Variants in MBOAT2 observed in about 807,000 individuals in gnomAD.
The protein encoded by MBOAT2 is membrane bound glycerophospholipid O-acyltransferase 2, also known as membrane-bound glycerophospholipid O-acyltransferase 2.
Under a neutral mutation model 63.4 loss-of-function variants are expected in MBOAT2, and 28 were observed. That is an observed-to-expected ratio of 0.44 (90% confidence interval 0.33 to 0.61). MBOAT2 has a LOEUF of 0.61. MBOAT2 is among the 20% of genes least tolerant of loss of function. The probability of loss-of-function intolerance (pLI) is 0.03; values close to 1 mark genes in which losing one functional copy is unlikely to be tolerated. For synonymous variants in MBOAT2, 211 were observed against 215.6 expected, an observed-to-expected ratio of 0.98 and a Z score of 0.19; for missense variants, 470 against 605.8, an observed-to-expected ratio of 0.78 and a Z score of 2.35.
At chr2:8,964,336 T>C (rs1197675456) in intron 1 of MBOAT2, among the ~76,000 whole-genome samples, 2 of 152,268 alleles carry the variant, frequency 1.3e-5, no homozygotes. Flanking sequence ...TCACTTAATA[T>C]TACATTGCTG....
chr2:8,945,616 C>G (rs1005172574), intron 2 of MBOAT2, among the ~76,000 whole-genome samples: 10 of 152,126 alleles, frequency 6.6e-5, no homozygotes, highest in Non-Finnish European at 1.3e-4. Context: ...CACGTTGTTT[C>G]GGGGCAATTT....
intron 1 of MBOAT2, among the ~76,000 whole-genome samples, chr2:8,983,427 T>C (rs186648056): frequency 5.2e-4 from 79 of 152,152 alleles, no homozygotes; most frequent in East Asian, 5.8e-4. Flanking sequence ...GAAAAAAACA[T>C]CTCTAGGCCC....
At position 8,862,231 on chromosome 2, in the gene MBOAT2, A is replaced by G; in HGVS notation, c.1185+359T>C. ...AGTCTTCATCTGAGAGAGGACTCAA[A>G]GGTTACAGCTTTCAGGAAACATTTC... On this transcript the variant is annotated intron_variant, in intron 11 of 12. Coordinates refer to ENST00000305997, the MANE Select transcript of MBOAT2 (RefSeq NM_138799.4). The surrounding 1 kb of genome is among the most constrained non-coding windows in gnomAD (Gnocchi z 4.3). The G allele has an allele frequency of 5.9e-6, 7 of 1,192,540 alleles. No homozygotes were observed. The highest frequency in any genetic ancestry group is 7.6e-6 in the Non-Finnish European group (7 of 918,662). The allele number at this position is 1,192,540 out of a possible 1,614,324, so 73.9% of individuals were successfully genotyped here.
intron 2 of MBOAT2, among the ~76,000 whole-genome samples, chr2:8,945,824 T>C (rs1369886225): frequency 6.6e-6 from 1 of 151,514 alleles, no homozygotes; most frequent in Non-Finnish European, 1.5e-5. Context: ...GGTTTATTTT[T>C]AGAAAAAAAA....
At chr2:8,953,877 C>T (rs988781227) in intron 2 of MBOAT2, among the ~76,000 whole-genome samples, 3 of 152,164 alleles carry the variant, frequency 2.0e-5, no homozygotes, top group Non-Finnish European at 4.4e-5. Context: ...TTGGATCTCA[C>T]TGAGCTTCCT....
At chr2:8,932,001 C>T (rs1289824276) in intron 3 of MBOAT2, among the ~76,000 whole-genome samples, 1 of 152,124 alleles carries the variant, frequency 6.6e-6, no homozygotes, top group Non-Finnish European at 1.5e-5. Context: ...GGAATAAATG[C>T]CACGCTCAAT....
chr2:8,949,622 G>A (rs533252366), intron 2 of MBOAT2, among the ~76,000 whole-genome samples: 2 of 151,972 alleles, frequency 1.3e-5, no homozygotes, highest in Admixed American at 1.3e-4. Flanking sequence ...CTTTATTTTT[G>A]TCAATTTTGT....
chr2:8,944,683 A>G (rs1668289868), intron 2 of MBOAT2, among the ~76,000 whole-genome samples: 1 of 151,282 alleles, frequency 6.6e-6, no homozygotes, highest in South Asian at 2.1e-4. Flanking sequence ...ACACACACAC[A>G]CGAAAATAAT....
At chr2:8,916,083 G>A (rs983342894) in intron 3 of MBOAT2, among the ~76,000 whole-genome samples, 3 of 152,146 alleles carry the variant, frequency 2.0e-5, no homozygotes, top group Non-Finnish European at 4.4e-5. Context: ...GTCTACATGT[G>A]CAGGGTCCAT....
intron 1 of MBOAT2, among the ~76,000 whole-genome samples, chr2:8,978,290 T>C (rs891175463): frequency 6.6e-6 from 1 of 152,082 alleles, no homozygotes; most frequent in Non-Finnish European, 1.5e-5. Flanking sequence ...TGCACACAGA[T>C]GTTTCACCAT....
In MBOAT2 at chr2:8,862,825, C is replaced by T; in HGVS notation, c.1053-103G>A. 2.2e-6 allele frequency: 3 copies of T among 1,373,822 alleles called. No individual in the cohort carries two copies. Among genetic ancestry groups the T allele is most frequent in the Non-Finnish European group, 2.9e-6 (3 of 1,027,524 alleles). The allele number at this position is 1,373,822 out of a possible 1,614,324, so 85.1% of individuals were successfully genotyped here. A position where few individuals can be genotyped will look rare whatever the true frequency, so the allele number is the denominator to read the frequency against. ...TATTACCTGACAGGATTTAGGGTAA[C>T]TAGAAAAACAAATACAACTTATCTT... On this transcript the variant is annotated intron_variant, in intron 10 of 12. Coordinates refer to ENST00000305997, the MANE Select transcript of MBOAT2 (RefSeq NM_138799.4). This position sits in a 1 kb window ranked among gnomAD's most constrained non-coding sequence, Gnocchi z 4.3.
At chr2:8,941,812 C>G (rs1668072454) in intron 3 of MBOAT2, among the ~76,000 whole-genome samples, 1 of 152,198 alleles carries the variant, frequency 6.6e-6, no homozygotes. Flanking sequence ...CTGCAACTGC[C>G]TTTCAGAAAA....
chr2:8,956,403 T>C (rs1257201387), intron 2 of MBOAT2, among the ~76,000 whole-genome samples: 1 of 151,774 alleles, frequency 6.6e-6, no homozygotes, highest in Non-Finnish European at 1.5e-5. Context: ...ATTTGAAAAA[T>C]AAAAATAAAA....
chr2:8,926,012 CTT>C (rs1346860225), intron 3 of MBOAT2, among the ~76,000 whole-genome samples: 1 of 152,130 alleles, frequency 6.6e-6, no homozygotes. Flanking sequence ...GGGTAAGTAA[CTT>C]GGATAATGTG....
Position 8,858,730 on chromosome 2 carries a change from A to G in MBOAT2, c.1512T>C (p.Val504=). The G allele has an allele frequency of 6.2e-7, 1 of 1,613,978 alleles. No individual in the cohort carries two copies. The highest frequency in any genetic ancestry group is 1.1e-5 in the South Asian group (1 of 91,070). The change falls in exon 13 of 13, where the codon GTT becomes GTC. Residue 504 remains valine, a synonymous_variant. Transcript: ENST00000305997. ...AGGCTATTTCTTGATTCTGATTGCA[A>G]ACATTGTTTGTTGTAGAAAAACTGT... ...GQNSFSTTNN[V]CNQNQEIASR...
intron 1 of MBOAT2, among the ~76,000 whole-genome samples, chr2:8,989,976 G>A (rs1198017964): frequency 1.3e-5 from 2 of 152,142 alleles, no homozygotes; most frequent in African/African-American, 4.8e-5. Flanking sequence ...AGCTTGTAAG[G>A]GATGCTACGT....
chr2:8,999,084 C>T (rs1672507954), intron 1 of MBOAT2, among the ~76,000 whole-genome samples: 1 of 152,072 alleles, frequency 6.6e-6, no homozygotes, highest in Non-Finnish European at 1.5e-5. Context: ...ATAACCATTC[C>T]TCCTTCCCCT....
rs570097354 is a variant in MBOAT2, at chr2:8,952,053, G to A, written c.221+6444C>T. 2.6e-5 allele frequency among the ~76,000 whole-genome samples: 4 copies of A among 152,254 alleles called. No homozygotes were observed. The East Asian group carries it at 7.7e-4, about 29-fold the overall frequency. On this transcript the variant is annotated intron_variant, in intron 2 of 12. Coordinates refer to ENST00000305997, the MANE Select transcript of MBOAT2 (RefSeq NM_138799.4). ...TGAGATCTAACTTTTTGAGGTGGGT[G>A]TTTAACACTGTATACTTTCCTCTTA...
At chr2:8,941,913 C>G (rs1288302993) in intron 3 of MBOAT2, among the ~76,000 whole-genome samples, 1 of 152,102 alleles carries the variant, frequency 6.6e-6, no homozygotes, top group African/African-American at 2.4e-5. Context: ...TATGTAAGTC[C>G]CCTATTTTCA....
Sources: gnomAD v4.1 joint callset for allele counts (sites outside exome capture counted in the v4.1 genomes callset) on GRCh38, gnomAD v4.1.1 for gene constraint, Gnocchi (gnomAD v3.1) non-coding constraint, MANE v1.5 for transcripts, NCBI Gene and HGNC (gene_info 2026-07-23, HGNC 2026-07-21) for gene names.